Variants in GCLC observed in about 807,000 individuals in gnomAD.
GCLC encodes glutamate-cysteine ligase catalytic subunit.
In GCLC, 30 loss-of-function variants were observed where a neutral mutation model predicts 81.5. The ratio of observed to expected loss-of-function variants is 0.37; its 90% CI spans 0.28 to 0.50. The LOEUF (loss-of-function observed/expected upper bound fraction) is 0.50, where lower values mean the gene tolerates loss of function less well. GCLC is among the 20% of genes least tolerant of loss of function. The pLI, the probability that GCLC is intolerant of heterozygous loss-of-function variation, is 0.96. For missense variants in GCLC, 556 were observed against 777.4 expected, an observed-to-expected ratio of 0.72 and a Z score of 3.39; for synonymous variants, 262 against 273.3, an observed-to-expected ratio of 0.96 and a Z score of 0.41.
At chr6:53,527,384 A>G (rs1370206622) in intron 1 of GCLC, among the ~76,000 whole-genome samples, 1 of 152,158 alleles carries the variant, frequency 6.6e-6, no homozygotes, top group African/African-American at 2.4e-5. Flanking sequence ...TTCTCCTTAC[A>G]CTAACTCCTA....
In GCLC at chr6:53,544,551, T is replaced by C. The variant is rs371591155; in HGVS notation, c.95A>G (p.His32Arg). 21 of 1,608,678 alleles carry C rather than the reference T, an allele frequency of 1.3e-5. No individual in the cohort carries two copies. Among genetic ancestry groups the C allele is most frequent in the Non-Finnish European group, 1.7e-5 (20 of 1,179,636 alleles). Residue 32 changes from histidine (H) to arginine (R), a missense_variant, in exon 1 of 16, where the codon CAC becomes CGC. Transcript: ENST00000650454. ...VRRHGILQFL[H>R]IYHAVKDRHK... The stretch of plus-strand genomic sequence containing the variant: ...CCGGTCCTTGACGGCGTGGTAGATG[T>C]GCAGGAACTGGAGGATCCCGTGCCG...
At chr6:53,520,582 A>G (rs1762974783) in intron 3 of GCLC, among the ~76,000 whole-genome samples, 196 bp downstream of exon 3, 2 of 152,218 alleles carry the variant, frequency 1.3e-5, no homozygotes, top group African/African-American at 4.8e-5. Flanking sequence ...CGGTGCAGCC[A>G]CCACAGCTGA....
intron 1 of GCLC, among the ~76,000 whole-genome samples, chr6:53,534,959 C>A (rs1483289075): frequency 1.3e-5 from 2 of 152,064 alleles, no homozygotes; most frequent in African/African-American, 2.4e-5. Flanking sequence ...GTAGAAATTG[C>A]CAATCTGGTT....
intron 15 of GCLC, among the ~76,000 whole-genome samples, 188 bp downstream of exon 15, chr6:53,499,857 A>G (rs1316033050): frequency 6.6e-6 from 1 of 152,202 alleles, no homozygotes; most frequent in Non-Finnish European, 1.5e-5. Flanking sequence ...AACTGATAAG[A>G]AAAAAAGCAC....
rs79500983 is a variant in GCLC at position 53,517,046 on chromosome 6, G to C, written c.447-824C>G. Among the ~76,000 whole-genome samples the C allele has an allele frequency of 5.2e-3, 783 of 150,142 alleles. 6 individuals carry two copies. The highest frequency in any genetic ancestry group is 0.017 in the African/African-American group (711 of 40,778). The stretch of plus-strand genomic sequence containing the variant: ...TAGTGGGAAGAAACTTTTGGCTTGA[G>C]GATCAAGACTAGCTCATATCTTTTA... On this transcript the variant is annotated intron_variant, in intron 3 of 15. Transcript: ENST00000650454.
At chr6:53,528,126 G>A (rs1023447739) in intron 1 of GCLC, among the ~76,000 whole-genome samples, 1 of 152,200 alleles carries the variant, frequency 6.6e-6, no homozygotes, top group Non-Finnish European at 1.5e-5. Context: ...GTTAGCCATA[G>A]TGATGCTACT....
chr6:53,524,237 G>GT (rs1263659903), intron 1 of GCLC, among the ~76,000 whole-genome samples: 1 of 152,206 alleles, frequency 6.6e-6, no homozygotes, highest in East Asian at 1.9e-4. Context: ...GCTCAGAGAG[G>GT]TAAGCTACTC....
At chr6:53,538,393 C>A (rs909707370) in intron 1 of GCLC, among the ~76,000 whole-genome samples, 1 of 150,508 alleles carries the variant, frequency 6.6e-6, no homozygotes, top group Non-Finnish European at 1.5e-5. Flanking sequence ...GTGGCGCGAT[C>A]TAGGCTCACT....
In GCLC at chr6:53,500,093, T is replaced by C; in HGVS notation, c.1654A>G (p.Arg552Gly). ...TTTAGGTAGTTCAGAATACTACATC[T>C]GGTGTCCACATCCACTTCCATGTTT... ...LENMEVDVDTRCSILNYLKLI... is the reference protein window; with the variant it reads ...LENMEVDVDTGCSILNYLKLI... Residue 552 changes from arginine to glycine, a missense_variant, in exon 15 of 16, where the codon AGA becomes GGA. Coordinates refer to ENST00000650454, the MANE Select transcript of GCLC (RefSeq NM_001498.4). 1 of 1,609,338 alleles carries C rather than the reference T, an allele frequency of 6.2e-7. No individual in the cohort carries two copies. The highest frequency in any genetic ancestry group is 8.5e-7 in the Non-Finnish European group (1 of 1,175,578).
intron 1 of GCLC, among the ~76,000 whole-genome samples, chr6:53,539,805 C>T (rs956024656): frequency 1.4e-4 from 22 of 152,178 alleles, no homozygotes; most frequent in African/African-American, 4.8e-4. Context: ...CTTTTATCTG[C>T]GCAGCCTGTT....
chr6:53,529,202 A>G (rs561106575), intron 1 of GCLC, among the ~76,000 whole-genome samples: 1 of 152,354 alleles, frequency 6.6e-6, no homozygotes, highest in East Asian at 1.9e-4. Flanking sequence ...CCTAAAATTA[A>G]TTTGACCTGG....
chr6:53,505,276 T>A (rs1465839010), intron 12 of GCLC, 116 bp downstream of exon 12: 1 of 693,732 alleles, frequency 1.4e-6, no homozygotes, highest in Admixed American at 2.2e-5. Context: ...GAGAAACATT[T>A]TATTGCAAAG....
At chr6:53,517,577 T>G (rs1335351968) in intron 3 of GCLC, among the ~76,000 whole-genome samples, 2 of 152,152 alleles carry the variant, frequency 1.3e-5, no homozygotes, top group Non-Finnish European at 2.9e-5. Flanking sequence ...GCCTAGAACC[T>G]TAGGAATAGT....
chr6:53,500,436 G>A lies in GCLC; in HGVS notation c.1473C>T (p.Cys491=), dbSNP rs775168867. 2 of 1,608,110 alleles carry A rather than the reference G, an allele frequency of 1.2e-6. No homozygotes were observed. The highest frequency in any genetic ancestry group is 1.7e-6 in the Non-Finnish European group (2 of 1,174,566). Residue 491 remains cysteine (C), a synonymous_variant, in exon 13 of 16, where the codon TGC becomes TGT. Coordinates refer to ENST00000650454, the MANE Select transcript of GCLC (RefSeq NM_001498.4). The part of the protein sequence containing the change: ...QGMFYFRKDI[C]KGGNAVVDGC... ...AAATCTAAGATAATGTAATACCTTT[G>A]CAAATATCTTTCCTGAAATAAAACA...
At chr6:53,499,063 A>G in intron 15 of GCLC, 96 bp from the exon 16 acceptor site, 1 of 796,334 alleles carries the variant, frequency 1.3e-6, no homozygotes, top group Non-Finnish European at 2.2e-6. Flanking sequence ...ACAATTCTGG[A>G]GAGAAATCAA....
Position 53,544,653 on chromosome 6 carries a change from C to T in GCLC, c.-8G>A, listed in dbSNP as rs1581754742. ...CTGGGACAGCAGCCCCATGGCCGCC[C>T]CCTCCTCCTCCTCCTCCTCCTCCGG... is the stretch of plus-strand genomic sequence containing the variant. On this transcript the variant is annotated 5_prime_UTR_variant, in exon 1 of 16. Coordinates refer to ENST00000650454, the MANE Select transcript of GCLC (RefSeq NM_001498.4). 2 of 1,550,856 alleles carry T rather than the reference C, an allele frequency of 1.3e-6. No homozygotes were observed. Among genetic ancestry groups the T allele is most frequent in the East Asian group, 2.3e-5 (1 of 42,614 alleles).
rs1764414375 is a variant in GCLC at position 53,498,280 on chromosome 6, A to G, written c.*476T>C. 1 of 166,222 alleles carries G rather than the reference A, an allele frequency of 6.0e-6. No individual in the cohort carries two copies. Among genetic ancestry groups the G allele is most frequent in the South Asian group, 1.6e-4 (1 of 6,388 alleles). The allele number at this position is 166,222 out of a possible 1,614,324, so 10.3% of individuals were successfully genotyped here. A position where few individuals can be genotyped will look rare whatever the true frequency, so the allele number is the denominator to read the frequency against. ...CCTTGAAGCACTTTCAATGGATTCA[A>G]GTGATTTAATGTAGACAACAAAGGA... On this transcript the variant is annotated 3_prime_UTR_variant, in exon 16 of 16. Transcript: ENST00000650454.
At chr6:53,508,053 A>G (rs1156306919) in intron 8 of GCLC, among the ~76,000 whole-genome samples, 1 of 152,206 alleles carries the variant, frequency 6.6e-6, no homozygotes, top group Non-Finnish European at 1.5e-5. Context: ...AAAACCACTT[A>G]TGAGGGCTCC....
chr6:53,526,044 G>A (rs1190015398), intron 1 of GCLC, among the ~76,000 whole-genome samples: 12 of 152,126 alleles, frequency 7.9e-5, no homozygotes, highest in Non-Finnish European at 1.6e-4. Context: ...ATTCTCAGCT[G>A]TCAAATCAAG....
Sources: allele counts gnomAD v4.1 joint callset (sites outside exome capture counted in the v4.1 genomes callset), GRCh38; gene constraint gnomAD v4.1.1; transcripts MANE v1.5; gene names NCBI Gene and HGNC (gene_info 2026-07-23, HGNC 2026-07-21).